Variants in RARB observed in about 807,000 individuals in gnomAD.
The protein encoded by RARB is HBV-activated protein.
Under a neutral mutation model 51.9 loss-of-function variants are expected in RARB, and 17 were observed. The observed-to-expected ratio is 0.33, with a 90% confidence interval of 0.22 to 0.49. The LOEUF (loss-of-function observed/expected upper bound fraction) is 0.49. Ranked by LOEUF, RARB falls within the 20% of genes least tolerant of loss-of-function variation. The pLI is 0.99. For missense variants in RARB, 369 were observed against 550.8 expected (o/e 0.67, Z 3.30); for synonymous variants, 215 against 195.4 (o/e 1.10, Z -0.84).
At chr3:25,580,871 C>A (rs1280437888) in intron 5 of RARB, 149 bp downstream of exon 5, 5 of 830,358 alleles carry the variant, frequency 6.0e-6, no homozygotes, top group Non-Finnish European at 7.0e-6. Flanking sequence ...GTGGACTCAC[C>A]TAGCCTCTGG....
chr3:25,349,118 CT>C (rs1390378376), intron 5 of RARB, among the ~76,000 whole-genome samples: 2 of 152,196 alleles, frequency 1.3e-5, no homozygotes, highest in African/African-American at 4.8e-5. Flanking sequence ...ATCCGTTACC[CT>C]TCCCCCAATG....
chr3:25,374,017 A>T (rs1350302850), intron 5 of RARB, among the ~76,000 whole-genome samples: 1 of 152,160 alleles, frequency 6.6e-6, no homozygotes, highest in Non-Finnish European at 1.5e-5. Context: ...TAAAATCCCT[A>T]GGTATATTTC....
chr3:24,913,729 A>G (rs966172902), intron 2 of RARB, among the ~76,000 whole-genome samples: 1 of 152,218 alleles, frequency 6.6e-6, no homozygotes, highest in South Asian at 2.1e-4. Flanking sequence ...GGTAAGGATA[A>G]TTAATCTTTA....
intron 5 of RARB, among the ~76,000 whole-genome samples, chr3:25,253,285 T>TAC (rs1251964644): frequency 6.6e-6 from 1 of 152,162 alleles, no homozygotes; most frequent in African/African-American, 2.4e-5. Flanking sequence ...GGCTGAGTTG[T>TAC]ACATCCGTAT....
intron 5 of RARB, among the ~76,000 whole-genome samples, chr3:25,369,085 C>T (rs951308413): frequency 2.6e-5 from 4 of 152,086 alleles, no homozygotes; most frequent in African/African-American, 7.2e-5. Context: ...ATCATAGTTT[C>T]CACTTTTAAA....
intron 2 of RARB, among the ~76,000 whole-genome samples, chr3:25,051,332 C>T (rs780562000): frequency 1.3e-5 from 2 of 151,812 alleles, no homozygotes; most frequent in Non-Finnish European, 2.9e-5. Flanking sequence ...GTGTTTCCAG[C>T]GTTAAGATAG....
chr3:25,210,754 C>T (rs1365960526), intron 5 of RARB, among the ~76,000 whole-genome samples: 3 of 151,622 alleles, frequency 2.0e-5, no homozygotes, highest in Non-Finnish European at 2.9e-5. Context: ...ATGCTGGTCT[C>T]GAACTCCTGA....
In RARB at chr3:24,969,872, C is replaced by T. The variant is rs538763156; in HGVS notation, c.-379-90253C>T. 1.7e-4 allele frequency among the ~76,000 whole-genome samples: 26 copies of T among 152,138 alleles called. No homozygotes were observed. In the East Asian group the frequency reaches 3.3e-3, roughly 19 times the overall value. On this transcript the variant is annotated intron_variant, in intron 2 of 11. Transcript: ENST00000383772. ...ACTTTTAGCTATGTATTTCCTTCTC[C>T]GTCAAACTTTGTGTGTAGCTGAAGA...
chr3:24,999,741 C>T (rs1029530898), intron 2 of RARB, among the ~76,000 whole-genome samples: 1 of 152,144 alleles, frequency 6.6e-6, no homozygotes, highest in African/African-American at 2.4e-5. Flanking sequence ...TAGCCAAGAC[C>T]TCTAAGGGGT....
chr3:24,910,259 G>T (rs912135540), intron 2 of RARB, among the ~76,000 whole-genome samples: 1 of 152,140 alleles, frequency 6.6e-6, no homozygotes, highest in African/African-American at 2.4e-5. Context: ...AAAAAACGTT[G>T]AATTGCATTT....
At chr3:24,908,961 T>C (rs540824503) in intron 2 of RARB, among the ~76,000 whole-genome samples, 2 of 152,172 alleles carry the variant, frequency 1.3e-5, no homozygotes, top group African/African-American at 4.8e-5. Context: ...TTCCATGATA[T>C]GTCAATTTGC....
At chr3:25,488,051 G>A (rs1696555494) in intron 2 of RARB, among the ~76,000 whole-genome samples, 1 of 152,188 alleles carries the variant, frequency 6.6e-6, no homozygotes. Flanking sequence ...TATAACTACT[G>A]TTGACAGTAT....
intron 2 of RARB, among the ~76,000 whole-genome samples, chr3:24,947,573 T>C (rs1695802229): frequency 6.6e-6 from 1 of 152,172 alleles, no homozygotes; most frequent in Non-Finnish European, 1.5e-5. Flanking sequence ...TCCACGGGGA[T>C]ACATTTTTGC....
At chr3:25,276,789 C>G (rs1703391635) in intron 5 of RARB, among the ~76,000 whole-genome samples, 1 of 152,120 alleles carries the variant, frequency 6.6e-6, no homozygotes, top group Non-Finnish European at 1.5e-5. Flanking sequence ...GTGTGAAGAC[C>G]AAGTTTTGTC....
intron 5 of RARB, among the ~76,000 whole-genome samples, chr3:25,213,045 G>A (rs1701736793): frequency 6.6e-6 from 1 of 152,048 alleles, no homozygotes; most frequent in Admixed American, 6.6e-5. Flanking sequence ...ACCATGCTTT[G>A]CTTTTTTTTC....
At chr3:24,836,006 C>A (rs993523639) in intron 1 of RARB, among the ~76,000 whole-genome samples, 3 of 152,124 alleles carry the variant, frequency 2.0e-5, no homozygotes, top group Non-Finnish European at 2.9e-5. Context: ...GCATCATGGG[C>A]TTTGGAAAAG....
chr3:25,009,398 G>A (rs952199819), intron 2 of RARB, among the ~76,000 whole-genome samples: 2 of 151,998 alleles, frequency 1.3e-5, no homozygotes, highest in African/African-American at 4.8e-5. Flanking sequence ...TCCACTTAAA[G>A]CAATCATGCC....
chr3:25,008,705 G>T (rs930298404), intron 2 of RARB, among the ~76,000 whole-genome samples: 1 of 152,010 alleles, frequency 6.6e-6, no homozygotes, highest in Non-Finnish European at 1.5e-5. Context: ...AAAAAATTTA[G>T]TCTGTTCCCA....
Position 25,262,118 on chromosome 3 carries a change from G to T in RARB, c.178+87543G>T, listed in dbSNP as rs138718445. Among the ~76,000 whole-genome samples the T allele has an allele frequency of 7.5e-3, 1,148 of 152,204 alleles. 7 individuals carry two copies. The highest frequency in any genetic ancestry group is 0.034 in the Middle Eastern group (10 of 294). ...GGAAGCTCTCTATGACTAAACCTCT[G>T]CCTGTCTATGCAGTCTCATTTTTAA... On this transcript the variant is annotated intron_variant, in intron 5 of 11. Coordinates refer to the RARB transcript ENST00000383772.
Sources: allele counts gnomAD v4.1 joint callset (sites outside exome capture counted in the v4.1 genomes callset), GRCh38; gene constraint gnomAD v4.1.1; transcripts MANE v1.5; gene names NCBI Gene and HGNC (gene_info 2026-07-23, HGNC 2026-07-21).